Variants in VDR observed in about 807,000 individuals in gnomAD.
VDR encodes the protein vitamin D receptor, also known as vitamin D3 receptor.
A neutral mutation model predicts 39.7 loss-of-function variants in VDR; 19 were observed. That is an observed-to-expected ratio of 0.48 (90% CI 0.33 to 0.70). VDR has a LOEUF of 0.70. VDR is among the 30% of genes least tolerant of loss of function. The pLI is 0.02. For synonymous variants in VDR, 242 were observed against 215.8 expected (o/e 1.12, Z -1.07); for missense variants, 442 against 570.5 (o/e 0.77, Z 2.29).
intron 5 of VDR, 125 bp downstream of exon 5, chr12:47,857,379 G>A (rs1016244500): frequency 6.2e-7 from 1 of 1,601,148 alleles, no homozygotes; most frequent in Non-Finnish European, 8.5e-7. Flanking sequence ...CAGGGGCAGA[G>A]CAGCCTCCGT....
At position 47,879,998 on chromosome 12, in the gene VDR, T is replaced by C. The variant is rs7961973; in HGVS notation, c.-2-883A>G. Among the ~76,000 whole-genome samples the C allele has an allele frequency of 1.1e-3, 171 of 152,250 alleles. 4 individuals carry two copies. The highest frequency in any genetic ancestry group is 3.9e-3 in the African/African-American group (163 of 41,538). Reference sequence around the variant, plus strand: ...GCTTGACTCTTTCATTAGCCAAAACTGGGCCCCCAGCTTTGTCTGCTGCGT... The same window carrying C: ...GCTTGACTCTTTCATTAGCCAAAACCGGGCCCCCAGCTTTGTCTGCTGCGT... On this transcript the variant is annotated intron_variant, in intron 2 of 9. Coordinates refer to ENST00000549336, the MANE Select transcript of VDR (RefSeq NM_000376.3).
At chr12:47,904,721 G>A in intron 1 of VDR, 1 of 1,337,530 alleles carries the variant, frequency 7.5e-7, no homozygotes, top group Non-Finnish European at 1.0e-6. Context: ...CCTAAGCGCC[G>A]AGGATGTCGC....
intron 2 of VDR, among the ~76,000 whole-genome samples, chr12:47,880,417 T>C (rs565488630): frequency 1.6e-4 from 25 of 152,070 alleles, no homozygotes; most frequent in Non-Finnish European, 2.8e-4. Context: ...ATGGTGTAGA[T>C]GCTATTATCA....
intron 3 of VDR, among the ~76,000 whole-genome samples, chr12:47,869,761 G>T (rs1419943152): frequency 6.6e-6 from 1 of 152,084 alleles, no homozygotes; most frequent in Admixed American, 6.6e-5. Context: ...GCCAGGCATG[G>T]TGGCATGCGC....
At chr12:47,870,294 G>A (rs530204345) in intron 3 of VDR, among the ~76,000 whole-genome samples, 77 of 152,282 alleles carry the variant, frequency 5.1e-4, no homozygotes, top group African/African-American at 1.8e-3. Context: ...CTGGCTCTGT[G>A]CTTTGTCCTG....
At chr12:47,878,230 T>C (rs924327060) in intron 3 of VDR, among the ~76,000 whole-genome samples, 3 of 152,176 alleles carry the variant, frequency 2.0e-5, no homozygotes, top group Admixed American at 1.3e-4. Context: ...CTCTCTCCAA[T>C]ACATGCCAAA....
intron 3 of VDR, among the ~76,000 whole-genome samples, chr12:47,877,407 A>G (rs1946029999): frequency 6.6e-6 from 1 of 152,206 alleles, no homozygotes. Context: ...TTTACATGTC[A>G]TCTCATTAAT....
chr12:47,846,255 C>T, intron 9 of VDR, 80 bp downstream of exon 9: 2 of 1,294,348 alleles, frequency 1.5e-6, no homozygotes, highest in Middle Eastern at 4.1e-4. Flanking sequence ...TCAGGTTGCC[C>T]AGCTGGCCCT....
chr12:47,844,442 G>T lies in VDR; in HGVS notation c.*304C>A, dbSNP rs1945232793. ...ACATCAGTCAGCAGCCACTTAGGCA[G>T]CGGTGGAGGCATCTCTGGGCAAGGC... On this transcript the variant is annotated 3_prime_UTR_variant, in exon 10 of 10. Transcript: ENST00000549336. 1.8e-6 allele frequency: 1 copy of T among 551,370 alleles called. No individual in the cohort carries two copies. The highest frequency in any genetic ancestry group is 3.3e-6 in the Non-Finnish European group (1 of 304,966). 34.2% of individuals were successfully genotyped at this position (551,370 alleles called of 1,614,324 possible). A position where few individuals can be genotyped will look rare whatever the true frequency, so the allele number is the denominator to read the frequency against.
intron 1 of VDR, among the ~76,000 whole-genome samples, chr12:47,886,918 G>T (rs928693110): frequency 3.9e-5 from 6 of 152,166 alleles, no homozygotes; most frequent in Non-Finnish European, 8.8e-5. Flanking sequence ...CTCCTAGATA[G>T]CTCTTTGTAG....
intron 3 of VDR, among the ~76,000 whole-genome samples, chr12:47,876,220 T>TGC (rs63460860): frequency 5.9e-5 from 1 of 17,082 alleles, no homozygotes; most frequent in African/African-American, 1.1e-4. Context: ...GAAGGTTGAC[T>TGC]GTGTGTGTGT....
rs552648739 is a variant in VDR at position 47,887,281 on chromosome 12, C to T, written c.-83-4507G>A. Reference sequence around the variant, plus strand: ...AGGTTGCAGTGAGCAGAGATCGCACCGTTGTACTCCAGCCTGGGCGACAAG... The same window carrying T: ...AGGTTGCAGTGAGCAGAGATCGCACTGTTGTACTCCAGCCTGGGCGACAAG... On this transcript the variant is annotated intron_variant, in intron 1 of 9. Coordinates refer to ENST00000549336, the MANE Select transcript of VDR (RefSeq NM_000376.3). Among the ~76,000 whole-genome samples, 155 of 124,130 alleles carry T rather than the reference C, an allele frequency of 1.2e-3. 1 individual carries two copies. Among genetic ancestry groups the T allele is most frequent in the Non-Finnish European group, 4.4e-4 (28 of 63,708 alleles). The allele number at this position is 124,130 out of a possible 152,430, so 81.4% of individuals were successfully genotyped here.
At chr12:47,904,421 G>A in intron 1 of VDR, 1 of 509,924 alleles carries the variant, frequency 2.0e-6, no homozygotes, top group South Asian at 4.6e-5. Context: ...AAAAAAAATA[G>A]GGCCAATTAG....
chr12:47,845,458 G>T (rs186027262), intron 9 of VDR, among the ~76,000 whole-genome samples: 1 of 152,012 alleles, frequency 6.6e-6, no homozygotes, highest in African/African-American at 2.4e-5. Context: ...GACCACGTCA[G>T]CTTCCCTCCT....
intron 1 of VDR, among the ~76,000 whole-genome samples, chr12:47,891,868 G>A (rs972127170): frequency 1.3e-5 from 2 of 152,142 alleles, no homozygotes; most frequent in Non-Finnish European, 2.9e-5. Flanking sequence ...ATGCCCCGCT[G>A]TCTGTTACCA....
chr12:47,853,789 G>A (rs111770822), intron 7 of VDR, among the ~76,000 whole-genome samples: 20 of 152,234 alleles, frequency 1.3e-4, no homozygotes, highest in African/African-American at 4.6e-4. Flanking sequence ...AGGCATGGTG[G>A]CACGCTCCTG....
chr12:47,855,100 T>C (rs7316602), intron 7 of VDR, among the ~76,000 whole-genome samples: 13,072 of 151,972 alleles, frequency 0.086, 1,869 homozygotes, highest in African/African-American at 0.29. Flanking sequence ...GAGACCAAGG[T>C]GGTTGGATCA....
intron 7 of VDR, among the ~76,000 whole-genome samples, chr12:47,851,129 G>T (rs1405455997): frequency 6.6e-6 from 1 of 152,132 alleles, no homozygotes; most frequent in Non-Finnish European, 1.5e-5. Flanking sequence ...TATGGAAATG[G>T]CAATGAAGGT....
At position 47,889,954 on chromosome 12, in the gene VDR, C is replaced by T. The variant is rs111379488; in HGVS notation, c.-83-7180G>A. Among the ~76,000 whole-genome samples, 326 of 152,284 alleles carry T rather than the reference C, an allele frequency of 2.1e-3. 2 individuals are homozygous for T. Among genetic ancestry groups the T allele is most frequent in the East Asian group, 0.011 (55 of 5,186 alleles). ...TAACGCTGGGACCCGCAGCCTGAGT[C>T]CACATAGGCCTGAGCCACGGTTTTT... On this transcript the variant is annotated intron_variant, in intron 1 of 9. Transcript: ENST00000549336.
Sources: gnomAD v4.1 joint callset for allele counts (sites outside exome capture counted in the v4.1 genomes callset) on GRCh38, gnomAD v4.1.1 for gene constraint, MANE v1.5 for transcripts, NCBI Gene and HGNC (gene_info 2026-07-23, HGNC 2026-07-21) for gene names.